The following GALNTL6 variants were observed in gnomAD, a reference collection of about 807,000 sequenced individuals.
GALNTL6 encodes the protein polypeptide N-acetylgalactosaminyltransferase-like 6.
GALNTL6 carries 46 observed loss-of-function variants against 73.7 expected under a neutral mutation model. The ratio of observed to expected loss-of-function variants is 0.62; its 90% confidence interval spans 0.49 to 0.80. GALNTL6 has a LOEUF of 0.80. Ranked by LOEUF, GALNTL6 falls within the 30% of genes least tolerant of loss-of-function variation. GALNTL6 has a pLI of 0.00. For missense variants in GALNTL6, 604 were observed against 755.0 expected (o/e 0.80, Z 2.34); for synonymous variants, 259 against 263.7 (o/e 0.98, Z 0.17).
intron 9 of GALNTL6, among the ~76,000 whole-genome samples, chr4:172,938,705 T>C (rs1335922134): frequency 6.6e-6 from 1 of 152,148 alleles, no homozygotes; most frequent in Non-Finnish European, 1.5e-5. Flanking sequence ...TCTCTCCTGC[T>C]CTTAAAACTG....
At position 172,940,407 on chromosome 4, in the gene GALNTL6, G is replaced by A. The variant is rs536539262; in HGVS notation, c.1149+9139G>A. Among the ~76,000 whole-genome samples, 44 of 151,900 alleles carry A rather than the reference G, an allele frequency of 2.9e-4. No homozygotes were observed. The South Asian group carries it at 9.2e-3, about 32-fold the overall frequency. On this transcript the variant is annotated intron_variant, in intron 9 of 12. Coordinates refer to ENST00000506823, the MANE Select transcript of GALNTL6 (RefSeq NM_001034845.3). ...AAATGGAGTCCCACCCTGTCACCCA[G>A]GCTGGAGTGAAGTGGCGTGATCTTG...
intron 2 of GALNTL6, among the ~76,000 whole-genome samples, chr4:171,980,061 T>A (rs1424405138): frequency 6.6e-6 from 1 of 152,044 alleles, no homozygotes; most frequent in Non-Finnish European, 1.5e-5. Context: ...AAAAATTAAT[T>A]AGCAATTAAA....
At chr4:172,388,766 C>A (rs1345472451) in intron 5 of GALNTL6, among the ~76,000 whole-genome samples, 1 of 151,976 alleles carries the variant, frequency 6.6e-6, no homozygotes, top group Non-Finnish European at 1.5e-5. Flanking sequence ...AAATAACTTG[C>A]CTCCTATGTA....
At chr4:172,561,057 T>C (rs1327423546) in intron 5 of GALNTL6, among the ~76,000 whole-genome samples, 13 of 151,590 alleles carry the variant, frequency 8.6e-5, no homozygotes, top group African/African-American at 2.9e-4. Flanking sequence ...ATCGAGACCA[T>C]CCTGGCTAAC....
intron 3 of GALNTL6, among the ~76,000 whole-genome samples, chr4:172,287,415 A>G (rs1183975272): frequency 6.7e-6 from 1 of 149,940 alleles, no homozygotes; most frequent in Non-Finnish European, 1.5e-5. Context: ...CTGAGCAAAA[A>G]GCTGACTGAT....
At chr4:172,406,876 T>C (rs2111335634) in intron 5 of GALNTL6, among the ~76,000 whole-genome samples, 1 of 152,156 alleles carries the variant, frequency 6.6e-6, no homozygotes, top group East Asian at 1.9e-4. Flanking sequence ...TAATTCAAGA[T>C]GAGAACCAAA....
At chr4:171,998,123 C>A (rs1290101599) in intron 2 of GALNTL6, among the ~76,000 whole-genome samples, 1 of 152,062 alleles carries the variant, frequency 6.6e-6, no homozygotes, top group African/African-American at 2.4e-5. Flanking sequence ...GAACAGAAAA[C>A]AAATCATGAG....
At chr4:172,194,172 A>G (rs931859485) in intron 2 of GALNTL6, among the ~76,000 whole-genome samples, 8 of 152,204 alleles carry the variant, frequency 5.3e-5, no homozygotes, top group Admixed American at 5.2e-4. Context: ...AAAACACGAC[A>G]TGAGAACTTC....
At position 172,279,543 on chromosome 4, in the gene GALNTL6, A is replaced by C. The variant is rs538351011; in HGVS notation, c.248-32071A>C. On this transcript the variant is annotated intron_variant, in intron 3 of 12. Transcript: ENST00000506823. ...TCTCACACCCCTTAGGATGTTTACT[A>C]TTAAAAAGTAAAACAGAAAGTAACA... Among the ~76,000 whole-genome samples the C allele has an allele frequency of 8.3e-4, 127 of 152,296 alleles. 1 individual carries two copies. Among genetic ancestry groups the C allele is most frequent in the Admixed American group, 1.8e-3 (27 of 15,288 alleles).
intron 2 of GALNTL6, among the ~76,000 whole-genome samples, chr4:171,880,231 C>T (rs1369259876): frequency 6.6e-6 from 1 of 152,156 alleles, no homozygotes; most frequent in African/African-American, 2.4e-5. Context: ...TGTAGCCTTG[C>T]TGCTGTGCTA....
chr4:172,026,247 G>C (rs188138809), intron 2 of GALNTL6, among the ~76,000 whole-genome samples: 2 of 151,866 alleles, frequency 1.3e-5, no homozygotes, highest in Non-Finnish European at 2.9e-5. Context: ...ATATTTTTAT[G>C]CTATTCTAGT....
At chr4:172,863,411 C>T (rs1182358074) in intron 7 of GALNTL6, among the ~76,000 whole-genome samples, 1 of 152,118 alleles carries the variant, frequency 6.6e-6, no homozygotes, top group East Asian at 1.9e-4. Context: ...GCGGAGCTGC[C>T]CAAGGCTGTA....
At chr4:171,838,523 G>T (rs550639521) in intron 2 of GALNTL6, among the ~76,000 whole-genome samples, 1 of 152,164 alleles carries the variant, frequency 6.6e-6, no homozygotes, top group Non-Finnish European at 1.5e-5. Flanking sequence ...TCTCCATCCA[G>T]TGCCAAGAGC....
chr4:172,840,441 A>G (rs980827605), intron 7 of GALNTL6, among the ~76,000 whole-genome samples: 3 of 152,098 alleles, frequency 2.0e-5, no homozygotes, highest in Admixed American at 6.5e-5. Flanking sequence ...TCATATTAGG[A>G]CAAGCAAATC....
chr4:171,940,559 T>C (rs72696971), intron 2 of GALNTL6, among the ~76,000 whole-genome samples: 4,284 of 152,146 alleles, frequency 0.028, 102 homozygotes, highest in Non-Finnish European at 0.039. Context: ...CAGTGGCTCA[T>C]GCCTGTGATT....
At chr4:171,888,752 A>G (rs1736676071) in intron 2 of GALNTL6, among the ~76,000 whole-genome samples, 1 of 152,112 alleles carries the variant, frequency 6.6e-6, no homozygotes, top group African/African-American at 2.4e-5. Flanking sequence ...AGCAGCCACA[A>G]AAATTTAAGC....
intron 5 of GALNTL6, among the ~76,000 whole-genome samples, chr4:172,502,129 A>G (rs1281859081): frequency 6.6e-6 from 1 of 152,166 alleles, no homozygotes; most frequent in African/African-American, 2.4e-5. Context: ...TATTTACACT[A>G]TCGACTTGGT....
intron 5 of GALNTL6, among the ~76,000 whole-genome samples, chr4:172,692,737 T>C (rs1027318367): frequency 6.6e-6 from 1 of 152,186 alleles, no homozygotes; most frequent in South Asian, 2.1e-4. Flanking sequence ...TATGAAACTT[T>C]TAGATAATGA....
At chr4:172,223,714 A>C (rs2110953803) in intron 2 of GALNTL6, among the ~76,000 whole-genome samples, 1 of 152,256 alleles carries the variant, frequency 6.6e-6, no homozygotes, top group East Asian at 1.9e-4. Context: ...ACTTGGATCA[A>C]ATTCTAGCTT....
Sources: gnomAD v4.1 joint callset for allele counts (sites outside exome capture counted in the v4.1 genomes callset) on GRCh38, gnomAD v4.1.1 for gene constraint, MANE v1.5 for transcripts, NCBI Gene and HGNC (gene_info 2026-07-23, HGNC 2026-07-21) for gene names.